RUFY2: variants seen among roughly 807,000 people sequenced by gnomAD.
RUFY2 encodes RUN and FYVE domain-containing protein 2.
In RUFY2, 49 loss-of-function variants were observed where a neutral mutation model predicts 94.4. That is an observed-to-expected ratio of 0.52 (90% CI 0.41 to 0.66). RUFY2 has a LOEUF of 0.66. Ranked by LOEUF, RUFY2 falls within the 30% of genes least tolerant of loss-of-function variation. RUFY2 has a pLI of 0.00. For missense variants in RUFY2, 541 were observed against 692.8 expected (o/e 0.78, Z 2.46); for synonymous variants, 255 against 235.7 (o/e 1.08, Z -0.75).
chr10:68,404,396 T>C (rs2051109308), intron 2 of RUFY2, among the ~76,000 whole-genome samples: 1 of 152,104 alleles, frequency 6.6e-6, no homozygotes, highest in South Asian at 2.1e-4. Flanking sequence ...TCTATAATTG[T>C]CCTAGAAAAC....
intron 15 of RUFY2, among the ~76,000 whole-genome samples, chr10:68,356,933 G>A (rs142397258): frequency 3.3e-5 from 5 of 151,636 alleles, no homozygotes; most frequent in African/African-American, 1.2e-4. Flanking sequence ...ACAGAGGTGA[G>A]CAGACCGCCT....
At position 68,407,171 on chromosome 10, in the gene RUFY2, GC is replaced by G; in HGVS notation, c.4+14del. The G allele has an allele frequency of 6.9e-7, 1 of 1,458,188 alleles. No individual in the cohort carries two copies. The highest frequency in any genetic ancestry group is 8.9e-7 in the Non-Finnish European group (1 of 1,117,714). The allele number at this position is 1,458,188 out of a possible 1,614,324, so 90.3% of individuals were successfully genotyped here. On this transcript the variant is annotated intron_variant, in intron 1 of 17. Transcript: ENST00000602465. ...ACTGAGGGCCTAGCGTTCGGTTTCG[GC>G]CCGCTCGCCTTACCCATGGCGGCGG...
chr10:68,394,457 A>C lies in RUFY2; in HGVS notation c.399-6T>G. ...CGTGATACTCATAAAACTCACTGTGAAAATTTAAAAAATAAGGACTTTAAA... is the reference window on the plus strand; with the variant it reads ...CGTGATACTCATAAAACTCACTGTGCAAATTTAAAAAATAAGGACTTTAAA... On this transcript the variant is annotated splice_polypyrimidine_tract_variant and splice_region_variant and intron_variant, in intron 4 of 17. Transcript: ENST00000602465. 5 of 1,598,246 alleles carry C rather than the reference A, an allele frequency of 3.1e-6. No individual in the cohort carries two copies. Among genetic ancestry groups the C allele is most frequent in the Non-Finnish European group, 3.4e-6 (4 of 1,167,300 alleles).
chr10:68,381,316 A>G lies in RUFY2; in HGVS notation c.1023T>C (p.His341=), dbSNP rs747418184. ...GGCCTATCAGAGTATCTTGTTTCTC[A>G]TGGATATCTTTCTCCAGCAACTTCA... The part of the protein sequence containing the change: ...LAMKLLEKDI[H]EKQDTLIGLR... The change falls in exon 11 of 18, where the codon CAT becomes CAC. Residue 341 remains histidine (H), a synonymous_variant. Transcript: ENST00000602465. 6.2e-7 allele frequency: 1 copy of G among 1,613,968 alleles called. No individual in the cohort carries two copies. Among genetic ancestry groups the G allele is most frequent in the Admixed American group, 1.7e-5 (1 of 60,002 alleles).
rs190177525 is a variant in RUFY2 at position 68,370,882 on chromosome 10, C to T, written c.1325+5971G>A. ...GCTCAGTGGCTCACGCCTGTAATCC[C>T]AGCACTTCGAGAGGCCAAGGTGGGT... On this transcript the variant is annotated intron_variant, in intron 13 of 17. Transcript: ENST00000602465. 3.5e-4 allele frequency among the ~76,000 whole-genome samples: 53 copies of T among 152,092 alleles called. 1 individual carries two copies. In the East Asian group the frequency reaches 9.5e-3, roughly 27 times the overall value.
Position 68,363,593 on chromosome 10 carries a change from C to A in RUFY2, c.1547G>T (p.Ser516Ile), listed in dbSNP as rs888356162. 2 of 1,588,014 alleles carry A rather than the reference C, an allele frequency of 1.3e-6. No individual in the cohort carries two copies. Among genetic ancestry groups the A allele is most frequent in the African/African-American group, 2.7e-5 (2 of 73,556 alleles). ...QALQELGNKL[S>I]ESKLKIEDIK... ...GTTGAAGGAAAAAAGAAATTACTCG[C>A]TAAGCTTGTTGCCGAGTTCTTGAAG... Residue 516 changes from serine (S) to isoleucine (I), a missense_variant, in exon 15 of 18, where the codon AGC becomes ATC. This residue lies in a region of RUFY2 where 403 missense variants were observed against 480.7 expected (regional missense o/e 0.84). Transcript: ENST00000602465.
At position 68,344,165 on chromosome 10, in the gene RUFY2, T is replaced by C. The variant is rs2046141630; in HGVS notation, c.*1603A>G. The C allele has an allele frequency of 6.6e-6, 1 of 152,114 alleles. No homozygotes were observed. The highest frequency in any genetic ancestry group is 2.4e-5 in the African/African-American group (1 of 41,414). 9.4% of individuals were successfully genotyped at this position (152,114 alleles called of 1,614,324 possible). A position where few individuals can be genotyped will look rare whatever the true frequency, so the allele number is the denominator to read the frequency against. ...TGACACCTCAAAAGCTGACTGGAAATTTACGGGTTTTGGAAAAAATAGATC... is the reference window on the plus strand; with the variant it reads ...TGACACCTCAAAAGCTGACTGGAAACTTACGGGTTTTGGAAAAAATAGATC... On this transcript the variant is annotated 3_prime_UTR_variant, in exon 18 of 18. Coordinates refer to ENST00000602465, the MANE Select transcript of RUFY2 (RefSeq NM_001330103.2).
chr10:68,358,165 G>C (rs2047186590), intron 15 of RUFY2, among the ~76,000 whole-genome samples: 1 of 152,126 alleles, frequency 6.6e-6, no homozygotes. Context: ...TCCAGCTTGA[G>C]CAACAGAGCG....
intron 13 of RUFY2, among the ~76,000 whole-genome samples, chr10:68,368,122 T>C (rs1589842637): frequency 6.6e-6 from 1 of 151,526 alleles, no homozygotes; most frequent in Admixed American, 6.6e-5. Flanking sequence ...CCTGCCACCA[T>C]GCCCAGCTAA....
chr10:68,370,475 A>G (rs1311821645), intron 13 of RUFY2, among the ~76,000 whole-genome samples: 27 of 140,658 alleles, frequency 1.9e-4, no homozygotes, highest in African/African-American at 6.0e-4. Context: ...TTTGAGACAG[A>G]GTCTTGCTGA....
In RUFY2 at chr10:68,394,317, C is replaced by T. The variant is rs370132178; in HGVS notation, c.522+11G>A. 1.9e-6 allele frequency: 3 copies of T among 1,613,850 alleles called. No individual in the cohort carries two copies. The highest frequency in any genetic ancestry group is 1.7e-6 in the Non-Finnish European group (2 of 1,179,838). On this transcript the variant is annotated intron_variant, in intron 5 of 17. Transcript: ENST00000602465. ...AACACTCTGCATTTGGCACTAGTCACTTTCACTTACTTGTGAGTCTAAATC... is the reference window on the plus strand; with the variant it reads ...AACACTCTGCATTTGGCACTAGTCATTTTCACTTACTTGTGAGTCTAAATC...
Position 68,381,375 on chromosome 10 carries a change from G to C in RUFY2, c.964C>G (p.Gln322Glu). Residue 322 changes from glutamine to glutamate, a missense_variant, in exon 11 of 18, where the codon CAA becomes GAA. Transcript: ENST00000602465. ...RQDVENELAVQVSMKHEIELA... is the reference protein window; with the variant it reads ...RQDVENELAVEVSMKHEIELA... ...TCAATCTCATGCTTCATACTAACTTGTACTGCTAGCTCATTCTCTACATCC... is the reference window on the plus strand; with the variant it reads ...TCAATCTCATGCTTCATACTAACTTCTACTGCTAGCTCATTCTCTACATCC... 1 of 1,613,006 alleles carries C rather than the reference G, an allele frequency of 6.2e-7. No homozygotes were observed. The highest frequency in any genetic ancestry group is 1.1e-5 in the South Asian group (1 of 90,762).
chr10:68,367,347 T>A (rs577464232), intron 13 of RUFY2, among the ~76,000 whole-genome samples: 1 of 152,326 alleles, frequency 6.6e-6, no homozygotes, highest in Non-Finnish European at 1.5e-5. Flanking sequence ...GCACAGAGTC[T>A]TACACAACAA....
intron 2 of RUFY2, among the ~76,000 whole-genome samples, chr10:68,403,661 T>TTTAA (rs1418121271): frequency 6.6e-6 from 1 of 152,218 alleles, no homozygotes; most frequent in Admixed American, 6.5e-5. Flanking sequence ...AAGAAATTGC[T>TTTAA]TTAAGTCTCT....
At chr10:68,376,245 G>A (rs2048626758) in intron 13 of RUFY2, among the ~76,000 whole-genome samples, 1 of 149,186 alleles carries the variant, frequency 6.7e-6, no homozygotes, top group African/African-American at 2.5e-5. Context: ...GGTCAACATG[G>A]TGAAACCCCA....
intron 13 of RUFY2, among the ~76,000 whole-genome samples, chr10:68,369,650 G>A (rs1183584295): frequency 6.6e-6 from 1 of 151,580 alleles, no homozygotes; most frequent in Admixed American, 6.6e-5. Flanking sequence ...GGCCAGGAAT[G>A]GTGGCTGACA....
At chr10:68,359,786 T>A (rs1194121925) in intron 15 of RUFY2, among the ~76,000 whole-genome samples, 1 of 148,340 alleles carries the variant, frequency 6.7e-6, no homozygotes, top group Non-Finnish European at 1.5e-5. Flanking sequence ...AACAACTCCG[T>A]CTCAAAAAAA....
chr10:68,351,570 C>T (rs541574976), intron 16 of RUFY2, among the ~76,000 whole-genome samples: 1 of 151,282 alleles, frequency 6.6e-6, no homozygotes, highest in Non-Finnish European at 1.5e-5. Flanking sequence ...CTGCCTCAGC[C>T]TCCCAAGTAA....
chr10:68,358,547 G>C (rs184940649), intron 15 of RUFY2, among the ~76,000 whole-genome samples: 1 of 152,326 alleles, frequency 6.6e-6, no homozygotes, highest in Non-Finnish European at 1.5e-5. Flanking sequence ...CCACAACAGT[G>C]ATGATTTAAT....
Sources: allele counts gnomAD v4.1 joint callset (sites outside exome capture counted in the v4.1 genomes callset), GRCh38; gene constraint gnomAD v4.1.1; regional missense constraint gnomAD v4.1.1; transcripts MANE v1.5; gene names NCBI Gene and HGNC (gene_info 2026-07-23, HGNC 2026-07-21).